Variants in NPAS3 observed in about 807,000 individuals in gnomAD.
NPAS3 encodes neuronal PAS domain protein 3.
In NPAS3, 14 loss-of-function variants were observed where a neutral mutation model predicts 73.1. The observed-to-expected ratio is 0.19, with a 90% confidence interval of 0.13 to 0.30. NPAS3 has a LOEUF of 0.30. Among genes scored for constraint, NPAS3 ranks in the 10% least tolerant of loss-of-function variants. The pLI is 1.00. For missense variants in NPAS3, 1,096 were observed against 1,250.0 expected (o/e 0.88, Z 1.86); for synonymous variants, 620 against 541.5 (o/e 1.14, Z -2.01).
chr14:33,477,543 C>T (rs1317615459), intron 4 of NPAS3, among the ~76,000 whole-genome samples: 1 of 152,132 alleles, frequency 6.6e-6, no homozygotes, highest in Non-Finnish European at 1.5e-5. Context: ...AGCACACATA[C>T]ACACAGCACA....
chr14:33,346,738 C>T (rs1469220784), intron 3 of NPAS3, among the ~76,000 whole-genome samples: 3 of 152,054 alleles, frequency 2.0e-5, no homozygotes, highest in Non-Finnish European at 4.4e-5. Context: ...CATCATGGAA[C>T]CCAGTGATAA....
chr14:33,464,325 T>C (rs1443813515), intron 4 of NPAS3, among the ~76,000 whole-genome samples: 1 of 152,166 alleles, frequency 6.6e-6, no homozygotes, highest in Non-Finnish European at 1.5e-5. Flanking sequence ...TTTATTTTCA[T>C]GGTTCAAATG....
intron 1 of NPAS3, among the ~76,000 whole-genome samples, chr14:32,945,736 G>C (rs1050525402): frequency 1.3e-5 from 2 of 152,200 alleles, no homozygotes; most frequent in African/African-American, 2.4e-5. Flanking sequence ...TCCTTCATCA[G>C]ATGTTTGGAG....
intron 4 of NPAS3, among the ~76,000 whole-genome samples, chr14:33,539,216 T>A (rs1479290259): frequency 6.6e-6 from 1 of 152,056 alleles, no homozygotes; most frequent in African/African-American, 2.4e-5. Context: ...CTCTGCTGGG[T>A]CTACTTTTCA....
chr14:33,549,602 A>G (rs765272358), intron 4 of NPAS3, among the ~76,000 whole-genome samples: 5 of 152,154 alleles, frequency 3.3e-5, no homozygotes, highest in South Asian at 2.1e-4. Context: ...TGAGTCTATT[A>G]TCTTTTGCTG....
chr14:33,061,358 A>C (rs571491235), intron 2 of NPAS3, among the ~76,000 whole-genome samples: 77 of 152,322 alleles, frequency 5.1e-4, no homozygotes, highest in Non-Finnish European at 1.0e-3. Flanking sequence ...GGATTGAGAA[A>C]AGAGTTAGAA....
At chr14:33,199,622 A>G (rs911850452) in intron 2 of NPAS3, among the ~76,000 whole-genome samples, 1 of 151,928 alleles carries the variant, frequency 6.6e-6, no homozygotes, top group African/African-American at 2.4e-5. Context: ...TTATGAATGT[A>G]TCTGTTTCTT....
intron 1 of NPAS3, among the ~76,000 whole-genome samples, chr14:32,945,169 CT>C (rs1183099806): frequency 6.6e-6 from 1 of 152,002 alleles, no homozygotes; most frequent in Non-Finnish European, 1.5e-5. Context: ...TCTTTTTTCA[CT>C]TCTGTTAGCT....
At chr14:33,203,610 A>T (rs2046706688) in intron 2 of NPAS3, among the ~76,000 whole-genome samples, 2 of 152,086 alleles carry the variant, frequency 1.3e-5, no homozygotes, top group Non-Finnish European at 1.5e-5. Context: ...GCTGAGAATG[A>T]TGGTTTCCAG....
At chr14:33,513,234 G>A (rs928220810) in intron 4 of NPAS3, among the ~76,000 whole-genome samples, 14 of 151,956 alleles carry the variant, frequency 9.2e-5, no homozygotes, top group African/African-American at 3.1e-4. Context: ...CAATACTCAT[G>A]AGCTAAGGTC....
At chr14:33,619,778 G>T (rs184496379) in intron 5 of NPAS3, among the ~76,000 whole-genome samples, 1 of 152,300 alleles carries the variant, frequency 6.6e-6, no homozygotes, top group African/African-American at 2.4e-5. Flanking sequence ...TTGGGACTTT[G>T]TAAACTGGCA....
chr14:33,733,098 A>AT (rs1322569369), intron 6 of NPAS3, among the ~76,000 whole-genome samples: 1 of 152,112 alleles, frequency 6.6e-6, no homozygotes, highest in Non-Finnish European at 1.5e-5. Context: ...TTCCTCATCA[A>AT]TTGCAAACAT....
At chr14:33,095,207 T>C (rs758723423) in intron 2 of NPAS3, among the ~76,000 whole-genome samples, 80 of 152,206 alleles carry the variant, frequency 5.3e-4, no homozygotes, top group Admixed American at 2.1e-3. Flanking sequence ...CTTTTGTGGT[T>C]GAAAGGTAGG....
intron 3 of NPAS3, among the ~76,000 whole-genome samples, chr14:33,360,790 A>G (rs1203498751): frequency 1.3e-5 from 2 of 151,900 alleles, no homozygotes; most frequent in Admixed American, 6.6e-5. Context: ...AGGCCAGTCC[A>G]CTCCTCAGGA....
intron 2 of NPAS3, among the ~76,000 whole-genome samples, chr14:33,200,014 G>C (rs2046553865): frequency 7.0e-6 from 1 of 142,744 alleles, no homozygotes; most frequent in Non-Finnish European, 1.5e-5. Context: ...TTATTTTGAG[G>C]GGACTACATT....
intron 2 of NPAS3, among the ~76,000 whole-genome samples, chr14:33,125,693 G>A (rs2043402584): frequency 6.6e-6 from 1 of 152,028 alleles, no homozygotes; most frequent in Non-Finnish European, 1.5e-5. Flanking sequence ...AAAGGCCCTG[G>A]ACATGGTCAA....
chr14:33,007,207 G>A (rs945475114), intron 1 of NPAS3, among the ~76,000 whole-genome samples: 9 of 152,152 alleles, frequency 5.9e-5, no homozygotes, highest in African/African-American at 2.2e-4. Context: ...GTGAGGACTG[G>A]GAGGGGTCTT....
At chr14:33,083,441 G>A (rs1194859815) in intron 2 of NPAS3, among the ~76,000 whole-genome samples, 1 of 151,986 alleles carries the variant, frequency 6.6e-6, no homozygotes, top group Non-Finnish European at 1.5e-5. Flanking sequence ...GATAATGAGA[G>A]TCTCCAGTTC....
intron 1 of NPAS3, among the ~76,000 whole-genome samples, chr14:32,959,337 T>C (rs542651305): frequency 6.6e-6 from 1 of 152,272 alleles, no homozygotes; most frequent in East Asian, 1.9e-4. Flanking sequence ...TTTAATACAG[T>C]TGTGAGGGTG....
Sources: gnomAD v4.1 joint callset for allele counts (sites outside exome capture counted in the v4.1 genomes callset) on GRCh38, gnomAD v4.1.1 for gene constraint, MANE v1.5 for transcripts, NCBI Gene and HGNC (gene_info 2026-07-23, HGNC 2026-07-21) for gene names.